CCDC149: variants seen among roughly 807,000 people sequenced by gnomAD.
The protein encoded by CCDC149 is coiled-coil domain containing 149, also known as coiled-coil domain-containing protein 149.
In CCDC149, 45 loss-of-function variants were observed where a neutral mutation model predicts 59.9. The observed-to-expected ratio is 0.75, with a 90% confidence interval of 0.59 to 0.96. The LOEUF is 0.96. CCDC149 is among the 40% of genes least tolerant of loss of function. The probability of loss-of-function intolerance (pLI) is 0.00; values close to 1 mark genes in which losing one functional copy is unlikely to be tolerated. For synonymous variants in CCDC149, 245 were observed against 260.6 expected, an observed-to-expected ratio of 0.94 and a Z score of 0.58; for missense variants, 584 against 664.7, an observed-to-expected ratio of 0.88 and a Z score of 1.33.
intron 12 of CCDC149, among the ~76,000 whole-genome samples, 194 bp from the exon 13 acceptor site, chr4:24,809,013 C>G (rs1215468339): frequency 6.6e-6 from 1 of 152,168 alleles, no homozygotes; most frequent in East Asian, 1.9e-4. Context: ...AGCATGCATT[C>G]TAGTGATTCC....
chr4:24,948,832 G>T (rs189208747), intron 1 of CCDC149, among the ~76,000 whole-genome samples: 8 of 152,240 alleles, frequency 5.3e-5, no homozygotes, highest in African/African-American at 1.4e-4. Context: ...GGTCTTTCTT[G>T]TGCTGTTCTT....
chr4:24,842,300 T>C (rs1417321908), intron 4 of CCDC149, among the ~76,000 whole-genome samples: 1 of 152,240 alleles, frequency 6.6e-6, no homozygotes, highest in Non-Finnish European at 1.5e-5. Flanking sequence ...CCTCCATGTA[T>C]GTTTCCCCAC....
intron 1 of CCDC149, among the ~76,000 whole-genome samples, chr4:24,900,175 G>A (rs1226209201): frequency 6.6e-6 from 1 of 152,168 alleles, no homozygotes; most frequent in African/African-American, 2.4e-5. Context: ...ACTCCTTGAA[G>A]GCAATTGTCA....
downstream of CCDC149, among the ~76,000 whole-genome samples, chr4:24,804,410 G>C (rs1448186619): frequency 6.8e-6 from 1 of 147,706 alleles, no homozygotes; most frequent in Non-Finnish European, 1.5e-5. Flanking sequence ...AGAATCGCTT[G>C]AACTCGGGAA....
At chr4:24,933,990 A>G (rs1054590471) in intron 1 of CCDC149, among the ~76,000 whole-genome samples, 1 of 152,190 alleles carries the variant, frequency 6.6e-6, no homozygotes, top group African/African-American at 2.4e-5. Context: ...GGGCTCCTTC[A>G]TGTGTATGCT....
intron 1 of CCDC149, among the ~76,000 whole-genome samples, chr4:24,966,918 A>G (rs1723819454): frequency 6.6e-6 from 1 of 152,144 alleles, no homozygotes. Context: ...TCCCCCACCA[A>G]TGTGCGGTGG....
intron 3 of CCDC149, among the ~76,000 whole-genome samples, chr4:24,873,392 T>A (rs937886066): frequency 6.6e-6 from 1 of 152,204 alleles, no homozygotes; most frequent in Non-Finnish European, 1.5e-5. Flanking sequence ...CACTGAACAG[T>A]AGGTAGCTCA....
chr4:24,899,715 T>C (rs1721050563), intron 1 of CCDC149, among the ~76,000 whole-genome samples: 2 of 152,018 alleles, frequency 1.3e-5, no homozygotes, highest in South Asian at 4.2e-4. Context: ...GACAGATCGG[T>C]TCCCTCCCCA....
intron 9 of CCDC149, chr4:24,831,226 T>C (rs1716123394): frequency 4.1e-6 from 1 of 246,012 alleles, no homozygotes; most frequent in South Asian, 1.1e-4. Context: ...ACCCAGGCGA[T>C]TATTTTATGG....
intron 8 of CCDC149, among the ~76,000 whole-genome samples, chr4:24,832,159 T>C (rs1182266508): frequency 6.6e-6 from 1 of 152,242 alleles, no homozygotes; most frequent in Non-Finnish European, 1.5e-5. Flanking sequence ...GTGCAAAATA[T>C]ATTTTGTATT....
At chr4:24,834,639 CT>C (rs1304966428) in intron 8 of CCDC149, among the ~76,000 whole-genome samples, 2 of 152,152 alleles carry the variant, frequency 1.3e-5, no homozygotes, top group Admixed American at 6.5e-5. Flanking sequence ...TTAGAAAAAC[CT>C]CGAATGCAGT....
At chr4:24,872,593 T>C (rs1014200447) in intron 3 of CCDC149, among the ~76,000 whole-genome samples, 2 of 145,108 alleles carry the variant, frequency 1.4e-5, no homozygotes, top group East Asian at 2.1e-4. Context: ...GAATGGTATG[T>C]ACCCACTGAA....
intron 12 of CCDC149, among the ~76,000 whole-genome samples, chr4:24,815,860 TG>T (rs1714982280): frequency 6.6e-6 from 1 of 152,058 alleles, no homozygotes; most frequent in Non-Finnish European, 1.5e-5. Context: ...GGGGGGTGCG[TG>T]TGGGGCCAAC....
chr4:24,932,966 A>G (rs1382733719), intron 1 of CCDC149, among the ~76,000 whole-genome samples: 2 of 152,176 alleles, frequency 1.3e-5, no homozygotes, highest in Admixed American at 1.3e-4. Context: ...CATGAAAGAA[A>G]TCACAGCAAA....
At chr4:24,934,882 G>T (rs1411180704) in intron 1 of CCDC149, among the ~76,000 whole-genome samples, 1 of 152,240 alleles carries the variant, frequency 6.6e-6, no homozygotes, top group African/African-American at 2.4e-5. Flanking sequence ...ACAGTTGATG[G>T]AGACAGAGAG....
chr4:24,976,097 C>T (rs1724180411), intron 1 of CCDC149, among the ~76,000 whole-genome samples: 1 of 152,066 alleles, frequency 6.6e-6, no homozygotes. Context: ...CATTTGAGCC[C>T]CGTGTTTAGC....
At chr4:24,862,844 A>AT (rs1336058446) in intron 3 of CCDC149, among the ~76,000 whole-genome samples, 1 of 151,918 alleles carries the variant, frequency 6.6e-6, no homozygotes, top group Non-Finnish European at 1.5e-5. Flanking sequence ...CCTGAGTTTT[A>AT]TTTTTTTCTG....
chr4:24,839,047 CACACACACACACACAG>C lies in CCDC149; in HGVS notation c.373-791_373-776del, dbSNP rs1275319647. 2.9e-4 allele frequency among the ~76,000 whole-genome samples: 40 copies of C among 139,660 alleles called. 1 individual carries two copies. The highest frequency in any genetic ancestry group is 1.7e-3 in the Admixed American group (24 of 13,730). The allele number at this position is 139,660 out of a possible 152,430, so 91.6% of individuals were successfully genotyped here. ...TCTCTCTCACACACACACACACACA[CACACACACACACACAG>C]AGAGAGAGAGAGAAAGAGAGAGAGA... is the stretch of plus-strand genomic sequence containing the variant. On this transcript the variant is annotated intron_variant, in intron 4 of 12. Transcript: ENST00000635206.
chr4:24,920,650 G>C (rs1465192365), intron 1 of CCDC149, among the ~76,000 whole-genome samples: 2 of 152,244 alleles, frequency 1.3e-5, no homozygotes, highest in Admixed American at 6.5e-5. Context: ...GTCTGTATAG[G>C]AAGGGAAGGA....
Sources: gnomAD v4.1 joint callset for allele counts (sites outside exome capture counted in the v4.1 genomes callset) on GRCh38, gnomAD v4.1.1 for gene constraint, MANE v1.5 for transcripts, NCBI Gene and HGNC (gene_info 2026-07-23, HGNC 2026-07-21) for gene names.